NGEF: variants seen among roughly 807,000 people sequenced by gnomAD.
The protein encoded by NGEF is ephexin-1.
In NGEF, 31 loss-of-function variants were observed where a neutral mutation model predicts 80.9. The observed-to-expected ratio is 0.38, with a 90% confidence interval of 0.29 to 0.52. NGEF has a LOEUF of 0.52. Among genes scored for constraint, NGEF ranks in the 20% least tolerant of loss-of-function variants. NGEF has a pLI of 0.84. For synonymous variants in NGEF, 371 were observed against 370.2 expected (o/e 1.00, Z -0.03); for missense variants, 709 against 926.2 (o/e 0.77, Z 3.04).
intron 5 of NGEF, among the ~76,000 whole-genome samples, chr2:232,916,422 G>A (rs764640702): frequency 2.2e-4 from 34 of 152,040 alleles, no homozygotes; most frequent in Non-Finnish European, 3.8e-4. Context: ...CACAAATTGC[G>A]TCCCTTATAT....
At chr2:232,944,694 C>T (rs1693513784) in intron 3 of NGEF, among the ~76,000 whole-genome samples, 1 of 139,328 alleles carries the variant, frequency 7.2e-6, no homozygotes, top group Admixed American at 7.4e-5. Context: ...ATGGTTACTT[C>T]CAGAGTTGGG....
At chr2:232,987,861 A>G (rs1335795208) in intron 1 of NGEF, among the ~76,000 whole-genome samples, 1 of 152,064 alleles carries the variant, frequency 6.6e-6, no homozygotes, top group African/African-American at 2.4e-5. Context: ...AGAAGACCCT[A>G]GAGTTCCCTG....
intron 3 of NGEF, among the ~76,000 whole-genome samples, chr2:232,928,668 C>T (rs1431314770): frequency 6.6e-6 from 1 of 152,060 alleles, no homozygotes; most frequent in African/African-American, 2.4e-5. Flanking sequence ...TCCTGAGCCT[C>T]GCGGTGGGGA....
Position 232,985,785 on chromosome 2 carries a change from A to C in NGEF, c.-74-10821T>G, listed in dbSNP as rs1014462729. Among the ~76,000 whole-genome samples the C allele has an allele frequency of 3.3e-5, 5 of 151,674 alleles. No individual in the cohort carries two copies. The East Asian group carries it at 7.8e-4, about 24-fold the overall frequency. On this transcript the variant is annotated intron_variant, in intron 1 of 14. Transcript: ENST00000264051. ...AAAAACAAAAACAAAACAAAAACCCAAAAATTAGCCAGGTGTGGTGGCGGG... is the reference window on the plus strand; with the variant it reads ...AAAAACAAAAACAAAACAAAAACCCCAAAATTAGCCAGGTGTGGTGGCGGG...
intron 3 of NGEF, among the ~76,000 whole-genome samples, chr2:232,942,694 G>A (rs1191980304): frequency 6.6e-6 from 1 of 151,580 alleles, no homozygotes; most frequent in African/African-American, 2.4e-5. Context: ...GGCCAACATG[G>A]TGAAACCCCG....
chr2:232,918,147 G>A (rs759486264), intron 5 of NGEF, among the ~76,000 whole-genome samples: 12 of 152,058 alleles, frequency 7.9e-5, no homozygotes, highest in Non-Finnish European at 1.5e-4. Context: ...TAGTAAATAC[G>A]GGGTTTCACC....
chr2:232,978,869 C>T (rs2106326527), intron 1 of NGEF, among the ~76,000 whole-genome samples: 1 of 152,326 alleles, frequency 6.6e-6, no homozygotes, highest in East Asian at 1.9e-4. Context: ...TAGCTGGGAG[C>T]ACAGGCGCCC....
intron 3 of NGEF, among the ~76,000 whole-genome samples, chr2:232,929,394 G>C (rs1693171890): frequency 6.6e-6 from 1 of 152,146 alleles, no homozygotes; most frequent in Admixed American, 6.6e-5. Flanking sequence ...TGCCTGGAAG[G>C]GAGCTCTCCT....
intron 5 of NGEF, among the ~76,000 whole-genome samples, chr2:232,902,616 T>C (rs1207411558): frequency 6.6e-6 from 1 of 152,244 alleles, no homozygotes; most frequent in Non-Finnish European, 1.5e-5. Flanking sequence ...GCAAAAATGT[T>C]TACATGCTAA....
At chr2:232,885,422 C>T (rs1482528456) in intron 9 of NGEF, 53 bp from the exon 10 acceptor site, 4 of 1,485,434 alleles carry the variant, frequency 2.7e-6, no homozygotes, top group Non-Finnish European at 3.8e-6. Flanking sequence ...GTCCCGGCCC[C>T]TTCCTCCAGC....
rs144904595 is a variant in NGEF, at chr2:232,982,606, C to T, written c.-74-7642G>A. 1.4e-3 allele frequency among the ~76,000 whole-genome samples: 216 copies of T among 152,292 alleles called. 1 individual carries two copies. The highest frequency in any genetic ancestry group is 4.9e-3 in the African/African-American group (205 of 41,558). ...TCAGCTAACTGCAACCTCCACCTCC[C>T]GGGTTCAAGCGATTCTCCTGCCTCT... On this transcript the variant is annotated intron_variant, in intron 1 of 14. Transcript: ENST00000264051.
intron 10 of NGEF, among the ~76,000 whole-genome samples, chr2:232,884,458 A>G (rs1691611778): frequency 1.3e-5 from 2 of 152,214 alleles, no homozygotes; most frequent in African/African-American, 2.4e-5. Context: ...GCTTGTGTGC[A>G]TGTACACTGC....
chr2:232,902,222 C>T (rs1692377598), intron 5 of NGEF, among the ~76,000 whole-genome samples: 1 of 152,224 alleles, frequency 6.6e-6, no homozygotes, highest in Admixed American at 6.5e-5. Flanking sequence ...ATTTACACTG[C>T]AGGCATCAGG....
chr2:232,999,902 G>T (rs1003596760), intron 1 of NGEF, among the ~76,000 whole-genome samples: 1 of 152,228 alleles, frequency 6.6e-6, no homozygotes, highest in East Asian at 1.9e-4. Context: ...CATAGTCAGG[G>T]AGATTTATAA....
intron 5 of NGEF, among the ~76,000 whole-genome samples, chr2:232,904,028 C>T (rs1692430518): frequency 6.6e-6 from 1 of 152,120 alleles, no homozygotes; most frequent in Non-Finnish European, 1.5e-5. Flanking sequence ...AATTACAGTC[C>T]AGGCAACACA....
chr2:232,940,991 G>C (rs1197299795), intron 3 of NGEF, among the ~76,000 whole-genome samples: 1 of 152,178 alleles, frequency 6.6e-6, no homozygotes, highest in African/African-American at 2.4e-5. Context: ...AGCTGGGCTG[G>C]CTGTGCGGGA....
At position 232,879,429 on chromosome 2, in the gene NGEF, C is replaced by CCA; in HGVS notation, c.*59_*60insTG. ...GCCTGTGCTTCCCAGAGCCCCCCCC[C>CCA]CCCCACCTTCTGTCGGGGTCTCATG... On this transcript the variant is annotated 3_prime_UTR_variant, in exon 15 of 15. Transcript: ENST00000264051. 11 of 1,456,272 alleles carry CCA rather than the reference C, an allele frequency of 7.6e-6. No individual in the cohort carries two copies. The South Asian group carries it at 1.3e-4, about 18-fold the overall frequency. 90.2% of individuals were successfully genotyped at this position (1,456,272 alleles called of 1,614,324 possible). A position where few individuals can be genotyped will look rare whatever the true frequency, so the allele number is the denominator to read the frequency against.
chr2:232,888,328 CATGCACATG>C (rs1355040790), intron 8 of NGEF, among the ~76,000 whole-genome samples: 3 of 151,562 alleles, frequency 2.0e-5, no homozygotes, highest in Non-Finnish European at 4.4e-5. Context: ...ACATGCACAC[CATGCACATG>C]ATGCACACCT....
chr2:232,894,958 T>C (rs746743567), intron 5 of NGEF, 42 bp from the exon 6 acceptor site: 2 of 1,523,754 alleles, frequency 1.3e-6, no homozygotes, highest in Non-Finnish European at 1.8e-6. Context: ...GAAGTTGGCC[T>C]TCCACGAAGG....
Sources: allele counts gnomAD v4.1 joint callset (sites outside exome capture counted in the v4.1 genomes callset), GRCh38; gene constraint gnomAD v4.1.1; transcripts MANE v1.5; gene names NCBI Gene and HGNC (gene_info 2026-07-23, HGNC 2026-07-21).